BMP2K: variants seen among roughly 807,000 people sequenced by gnomAD.
BMP2K encodes the protein BMP2 inducible kinase.
BMP2K carries 74 observed loss-of-function variants against 116.0 expected under a neutral mutation model. The ratio of observed to expected loss-of-function variants is 0.64; its 90% CI spans 0.53 to 0.77. BMP2K has a LOEUF of 0.77. Ranked by LOEUF, BMP2K falls within the 30% of genes least tolerant of loss-of-function variation. The pLI is 0.00. For missense variants in BMP2K, 1,365 were observed against 1,403.6 expected (o/e 0.97, Z 0.44); for synonymous variants, 486 against 502.5 (o/e 0.97, Z 0.44).
At chr4:78,878,503 C>T (rs1732740674) in intron 13 of BMP2K, among the ~76,000 whole-genome samples, 1 of 152,044 alleles carries the variant, frequency 6.6e-6, no homozygotes, top group South Asian at 2.1e-4. Flanking sequence ...CCCAAGGGTA[C>T]ACAGCTAGGG....
At chr4:78,783,193 A>G (rs921168435) in intron 1 of BMP2K, among the ~76,000 whole-genome samples, 2 of 152,236 alleles carry the variant, frequency 1.3e-5, no homozygotes, top group East Asian at 1.9e-4. Context: ...TCCCTCAGCC[A>G]TATTGAATTT....
At position 78,834,410 on chromosome 4, in the gene BMP2K, C is replaced by T. The variant is rs188293433; in HGVS notation, c.403+723C>T. Among the ~76,000 whole-genome samples the T allele has an allele frequency of 1.5e-3, 233 of 151,970 alleles. 2 individuals carry two copies. Among genetic ancestry groups the T allele is most frequent in the African/African-American group, 5.4e-3 (225 of 41,456 alleles). ...CCGAGTAGCTGGGACTACAGGTGCC[C>T]GCCACGACGCTCGGCTAATTTTTTG... On this transcript the variant is annotated intron_variant, in intron 3 of 15. Transcript: ENST00000502613.
At chr4:78,786,358 C>T (rs181888482) in intron 1 of BMP2K, among the ~76,000 whole-genome samples, 37 of 151,836 alleles carry the variant, frequency 2.4e-4, no homozygotes, top group African/African-American at 8.5e-4. Context: ...TCTTGGACTT[C>T]CCAGTCTCCA....
chr4:78,913,230 C>T lies in BMP2K; in HGVS notation c.*1197C>T, dbSNP rs1734760601. 1 of 152,098 alleles carries T rather than the reference C, an allele frequency of 6.6e-6. No homozygotes were observed. The highest frequency in any genetic ancestry group is 1.5e-5 in the Non-Finnish European group (1 of 67,990). The allele number at this position is 152,098 out of a possible 1,614,324, so 9.4% of individuals were successfully genotyped here. A position where few individuals can be genotyped will look rare whatever the true frequency, so the allele number is the denominator to read the frequency against. On this transcript the variant is annotated 3_prime_UTR_variant, in exon 16 of 16. Transcript: ENST00000502613. ...GATTCATGCATCCTGCTGCAAGTAC[C>T]TCTGCACTAATATACCAGATCCTAA...
intron 15 of BMP2K, among the ~76,000 whole-genome samples, chr4:78,904,963 T>C (rs1734212652): frequency 6.6e-6 from 1 of 151,940 alleles, no homozygotes; most frequent in African/African-American, 2.4e-5. Flanking sequence ...ACATTCTTAG[T>C]AACTCTGTAC....
chr4:78,891,975 C>G (rs919157308), intron 15 of BMP2K, among the ~76,000 whole-genome samples: 1 of 152,108 alleles, frequency 6.6e-6, no homozygotes, highest in Non-Finnish European at 1.5e-5. Flanking sequence ...CCTAGTTGAC[C>G]ATGATTTCTT....
intron 1 of BMP2K, among the ~76,000 whole-genome samples, chr4:78,791,472 C>T (rs1364311611): frequency 6.6e-6 from 1 of 151,878 alleles, no homozygotes; most frequent in Non-Finnish European, 1.5e-5. Context: ...TAAGATTCAC[C>T]ATAATAATCA....
intron 1 of BMP2K, among the ~76,000 whole-genome samples, chr4:78,824,617 A>G (rs932904998): frequency 1.3e-5 from 2 of 152,348 alleles, no homozygotes; most frequent in African/African-American, 2.4e-5. Flanking sequence ...CAGCCAAATC[A>G]TATCAGAACT....
intron 13 of BMP2K, 146 bp downstream of exon 13, chr4:78,872,944 G>A: frequency 2.4e-6 from 2 of 826,756 alleles, no homozygotes; most frequent in Non-Finnish European, 3.7e-6. Flanking sequence ...CCTGTCTTCT[G>A]GTCCCTTGGC....
chr4:78,881,286 T>A (rs968912723), intron 14 of BMP2K, among the ~76,000 whole-genome samples: 58 of 152,220 alleles, frequency 3.8e-4, no homozygotes, highest in African/African-American at 1.4e-3. Flanking sequence ...TTAAAAATTA[T>A]ATTTAAATTA....
chr4:78,829,799 TCTCTTCTC>T lies in BMP2K; in HGVS notation c.297+3645_297+3652del, dbSNP rs1342318677. On this transcript the variant is annotated intron_variant, in intron 2 of 15. Transcript: ENST00000502613. ...TCTTTTCTTTTCTTTTCTCTTCTCT[TCTCTTCTC>T]TTCTCTTCTCTTCTCTTCTCTTCTC... Among the ~76,000 whole-genome samples the T allele has an allele frequency of 9.8e-3, 1,272 of 129,776 alleles. 15 individuals are homozygous for T. The highest frequency in any genetic ancestry group is 0.039 in the African/African-American group (1,213 of 31,196). The allele number at this position is 129,776 out of a possible 152,430, so 85.1% of individuals were successfully genotyped here.
rs530049951 is a variant in BMP2K, at chr4:78,808,748, C to A, written c.179-17289C>A. Among the ~76,000 whole-genome samples the A allele has an allele frequency of 6.6e-5, 10 of 152,154 alleles. No individual in the cohort carries two copies. The South Asian group carries it at 2.1e-3, about 32-fold the overall frequency. On this transcript the variant is annotated intron_variant, in intron 1 of 15. Coordinates refer to ENST00000502613, the MANE Select transcript of BMP2K (RefSeq NM_198892.2). Reference sequence around the variant, plus strand: ...TTATTTGAGTGTTTTCTTTAATATCCATATGCTCTTGAATTTCTCAAATTT... The same window carrying A: ...TTATTTGAGTGTTTTCTTTAATATCAATATGCTCTTGAATTTCTCAAATTT...
intron 1 of BMP2K, among the ~76,000 whole-genome samples, chr4:78,815,897 A>G (rs1212797210): frequency 2.6e-5 from 4 of 152,288 alleles, no homozygotes; most frequent in African/African-American, 9.6e-5. Context: ...GGAAACTTAA[A>G]AAAATATTGA....
At position 78,887,644 on chromosome 4, in the gene BMP2K, A is replaced by G. The variant is rs527662299; in HGVS notation, c.2062+360A>G. ...TGCTCTCTTGTAGATGCATTTTAAA[A>G]GTATTAATAATTTTGTATTTGTCAC... On this transcript the variant is annotated intron_variant, in intron 15 of 15. Transcript: ENST00000502613. Among the ~76,000 whole-genome samples the G allele has an allele frequency of 9.2e-5, 14 of 152,308 alleles. No individual in the cohort carries two copies. The South Asian group carries it at 2.9e-3, about 32-fold the overall frequency.
At chr4:78,878,001 AG>A (rs1472034616) in intron 13 of BMP2K, among the ~76,000 whole-genome samples, 1 of 152,170 alleles carries the variant, frequency 6.6e-6, no homozygotes, top group African/African-American at 2.4e-5. Context: ...TCTTGGGTTA[AG>A]AAATCTTTAT....
In BMP2K at chr4:78,915,804, ATT is replaced by A. The variant is rs937628254; in HGVS notation, c.*3775_*3776del. ...ATGCAAAGGGTCATGATTTGGGGTT[ATT>A]TTTGTTTTATTTTAAAATTTATACT... On this transcript the variant is annotated 3_prime_UTR_variant, in exon 16 of 16. Transcript: ENST00000502613. 7.2e-5 allele frequency: 11 copies of A among 151,848 alleles called. No homozygotes were observed. Among genetic ancestry groups the A allele is most frequent in the African/African-American group, 2.7e-4 (11 of 41,390 alleles). The allele number at this position is 151,848 out of a possible 1,614,324, so 9.4% of individuals were successfully genotyped here.
intron 1 of BMP2K, among the ~76,000 whole-genome samples, chr4:78,816,271 A>T (rs1729348811): frequency 6.6e-6 from 1 of 152,130 alleles, no homozygotes; most frequent in African/African-American, 2.4e-5. Context: ...GAAACATATA[A>T]TGTCAGGTTG....
At chr4:78,848,298 T>C (rs561818155) in intron 6 of BMP2K, among the ~76,000 whole-genome samples, 5 of 151,794 alleles carry the variant, frequency 3.3e-5, no homozygotes, top group East Asian at 1.9e-4. Flanking sequence ...GTACTACTTA[T>C]AGATCTCCAG....
In BMP2K at chr4:78,776,401, G is replaced by GAGCGCGGAATGTGAGGCTTGGC; in HGVS notation, c.-143_-142insAGCGCGGAATGTGAGGCTTGGC. The stretch of plus-strand genomic sequence containing the variant: ...GGCGGGGCCCAGGCTGTGCGCTTGG[G>GAGCGCGGAATGTGAGGCTTGGC]GAGCGCGGAATGTGAGGCTTGGCGG... On this transcript the variant is annotated 5_prime_UTR_variant, in exon 1 of 16. It adds an upstream start codon to the 5' untranslated region. Transcript: ENST00000502613. The GAGCGCGGAATGTGAGGCTTGGC allele has an allele frequency of 1.2e-6, 1 of 838,578 alleles. No homozygotes were observed. The highest frequency in any genetic ancestry group is 1.5e-6 in the Non-Finnish European group (1 of 673,240). The allele number at this position is 838,578 out of a possible 1,614,324, so 51.9% of individuals were successfully genotyped here. A position where few individuals can be genotyped will look rare whatever the true frequency, so the allele number is the denominator to read the frequency against.
Sources: allele counts gnomAD v4.1 joint callset (sites outside exome capture counted in the v4.1 genomes callset), GRCh38; gene constraint gnomAD v4.1.1; transcripts MANE v1.5; gene names NCBI Gene and HGNC (gene_info 2026-07-23, HGNC 2026-07-21).